NDC1: variants seen among roughly 807,000 people sequenced by gnomAD.
The protein encoded by NDC1 is nucleoporin NDC1.
NDC1 carries 24 observed loss-of-function variants against 89.8 expected under a neutral mutation model. That is an observed-to-expected ratio of 0.27 (90% CI 0.19 to 0.38). The LOEUF is 0.38. Among genes scored for constraint, NDC1 ranks in the 10% least tolerant of loss-of-function variants. The probability of loss-of-function intolerance (pLI) is 1.00; values close to 1 mark genes in which losing one functional copy is unlikely to be tolerated. For synonymous variants in NDC1, 296 were observed against 284.8 expected, an observed-to-expected ratio of 1.04 and a Z score of -0.39; for missense variants, 728 against 797.6, an observed-to-expected ratio of 0.91 and a Z score of 1.05.
At chr1:53,825,759 G>C (rs559178017) in intron 5 of NDC1, 39 bp downstream of exon 5, 2 of 1,542,080 alleles carry the variant, frequency 1.3e-6, no homozygotes, top group Non-Finnish European at 8.7e-7. Context: ...TTTTACCTCA[G>C]CCAAATTTTG....
chr1:53,819,865 T>C (rs1648605959), intron 5 of NDC1, among the ~76,000 whole-genome samples: 2 of 152,118 alleles, frequency 1.3e-5, no homozygotes, highest in Admixed American at 1.3e-4. Context: ...GGGTGCCTTA[T>C]CTTTTGGCTT....
Position 53,811,100 on chromosome 1 carries a change from G to A in NDC1, c.704-1354C>T, listed in dbSNP as rs146844173. 6.3e-3 allele frequency among the ~76,000 whole-genome samples: 958 copies of A among 152,340 alleles called. 7 individuals are homozygous for A. Among genetic ancestry groups the A allele is most frequent in the African/African-American group, 0.022 (928 of 41,588 alleles). On this transcript the variant is annotated intron_variant, in intron 6 of 17. Coordinates refer to ENST00000371429, the MANE Select transcript of NDC1 (RefSeq NM_018087.5). ...AGTCAAGCGAAATACAGGGGTAGAG[G>A]AAGCAGCAGAAAGGCCCTGGGAGCT...
chr1:53,775,391 G>A (rs556042786), intron 16 of NDC1, among the ~76,000 whole-genome samples: 3 of 151,970 alleles, frequency 2.0e-5, no homozygotes, highest in Admixed American at 1.3e-4. Flanking sequence ...CAAGTAGCTG[G>A]GATTACAGGC....
chr1:53,823,054 T>C (rs1268288157), intron 5 of NDC1, among the ~76,000 whole-genome samples: 1 of 152,146 alleles, frequency 6.6e-6, no homozygotes, highest in Non-Finnish European at 1.5e-5. Context: ...CTTAGTCTTC[T>C]CGGGAGGCAA....
At chr1:53,775,384 G>A (rs1236013950) in intron 16 of NDC1, among the ~76,000 whole-genome samples, 1 of 151,920 alleles carries the variant, frequency 6.6e-6, no homozygotes, top group Non-Finnish European at 1.5e-5. Flanking sequence ...AACCTTCCAA[G>A]TAGCTGGGAT....
chr1:53,783,239 C>G (rs1570165872), intron 16 of NDC1, among the ~76,000 whole-genome samples: 1 of 151,758 alleles, frequency 6.6e-6, no homozygotes, highest in African/African-American at 2.4e-5. Flanking sequence ...GGGCAGATTA[C>G]CCACACAGAC....
At position 53,772,367 on chromosome 1, in the gene NDC1, G is replaced by A; in HGVS notation, c.1923C>T (p.Ala641=). 6.2e-7 allele frequency: 1 copy of A among 1,613,782 alleles called. No homozygotes were observed. The highest frequency in any genetic ancestry group is 8.5e-7 in the Non-Finnish European group (1 of 1,179,794). ...RFAFRASLKT[A]IYRITTTFGE... ...CAAATGTAGTAGTTATTCGATAGATGGCAGTTTTCAGTGATGCTCTGAATG... is the reference window on the plus strand; with the variant it reads ...CAAATGTAGTAGTTATTCGATAGATAGCAGTTTTCAGTGATGCTCTGAATG... Residue 641 remains alanine (A), a synonymous_variant, in exon 17 of 18, where the codon GCC becomes GCT. Transcript: ENST00000371429.
At chr1:53,813,952 C>T (rs1235090249) in intron 6 of NDC1, among the ~76,000 whole-genome samples, 1 of 152,170 alleles carries the variant, frequency 6.6e-6, no homozygotes, top group Non-Finnish European at 1.5e-5. Context: ...TGGAATAAAA[C>T]TGGAAATCAA....
intron 13 of NDC1, 104 bp downstream of exon 13, chr1:53,796,580 TAAAAA>T (rs57490546): frequency 9.2e-4 from 397 of 430,742 alleles, no homozygotes; most frequent in South Asian, 4.0e-3. Context: ...ACACGAAGCA[TAAAAA>T]AAAAAAAAAA....
chr1:53,829,498 T>C (rs186483288), intron 3 of NDC1, among the ~76,000 whole-genome samples: 102 of 152,364 alleles, frequency 6.7e-4, no homozygotes, highest in Middle Eastern at 3.4e-3. Flanking sequence ...CTGGGGCAAG[T>C]GGTGCTCCTA....
At chr1:53,820,701 C>T (rs866588795) in intron 5 of NDC1, among the ~76,000 whole-genome samples, 3 of 74,892 alleles carry the variant, frequency 4.0e-5, no homozygotes, top group Admixed American at 1.6e-4. Flanking sequence ...ACTTCTCTCT[C>T]TTTTTTTTTT....
At chr1:53,782,012 C>T (rs1452140274) in intron 16 of NDC1, among the ~76,000 whole-genome samples, 15 of 152,142 alleles carry the variant, frequency 9.9e-5, no homozygotes, top group African/African-American at 3.1e-4. Context: ...CCCACCTCTA[C>T]TCTAGCTAAT....
Position 53,814,844 on chromosome 1 carries a change from T to C in NDC1, c.703+4127A>G, listed in dbSNP as rs866970051. 3.9e-5 allele frequency among the ~76,000 whole-genome samples: 6 copies of C among 152,278 alleles called. No individual in the cohort carries two copies. The South Asian group carries it at 8.3e-4, about 21-fold the overall frequency. The stretch of plus-strand genomic sequence containing the variant: ...GAACAACACCTTTACGCACATAAAC[T>C]GCCAAACCTAGAAGAGACAGATAAA... On this transcript the variant is annotated intron_variant, in intron 6 of 17. Coordinates refer to ENST00000371429, the MANE Select transcript of NDC1 (RefSeq NM_018087.5).
rs751982339 is a variant in NDC1 at position 53,767,856 on chromosome 1, C to T, written c.*114G>A. 62 of 511,344 alleles carry T rather than the reference C, an allele frequency of 1.2e-4. 1 individual carries two copies. The highest frequency in any genetic ancestry group is 9.7e-4 in the Admixed American group (25 of 25,786). 31.7% of individuals were successfully genotyped at this position (511,344 alleles called of 1,614,324 possible). On this transcript the variant is annotated 3_prime_UTR_variant, in exon 18 of 18. Transcript: ENST00000371429. ...AGTATAGTTTTCAAAGCAACCACCA[C>T]GACAAAGGAAGCATCTAATTAGTCC...
At chr1:53,825,343 G>A (rs1256354626) in intron 5 of NDC1, among the ~76,000 whole-genome samples, 1 of 151,444 alleles carries the variant, frequency 6.6e-6, no homozygotes, top group Non-Finnish European at 1.5e-5. Flanking sequence ...GGGCGTGATG[G>A]CATGTGGAGG....
At chr1:53,798,745 G>T (rs893226546) in intron 11 of NDC1, among the ~76,000 whole-genome samples, 1 of 151,728 alleles carries the variant, frequency 6.6e-6, no homozygotes, top group South Asian at 2.1e-4. Flanking sequence ...AGTAAAGACG[G>T]CGTTTCGCCA....
At chr1:53,783,938 A>C (rs893637149) in intron 16 of NDC1, among the ~76,000 whole-genome samples, 1 of 152,202 alleles carries the variant, frequency 6.6e-6, no homozygotes, top group African/African-American at 2.4e-5. Flanking sequence ...CTTTTGACAA[A>C]TCTGTAATTC....
At chr1:53,787,712 A>G (rs1430534004) in intron 15 of NDC1, among the ~76,000 whole-genome samples, 1 of 151,148 alleles carries the variant, frequency 6.6e-6, no homozygotes, top group East Asian at 1.9e-4. Flanking sequence ...GGAGCAATTC[A>G]ATAGAAAAAC....
chr1:53,837,157 C>T (rs1268827310), intron 1 of NDC1, among the ~76,000 whole-genome samples: 1 of 152,150 alleles, frequency 6.6e-6, no homozygotes, highest in Non-Finnish European at 1.5e-5. Context: ...ACACCAGGCA[C>T]GATGGCATGC....
Sources: allele counts gnomAD v4.1 joint callset (sites outside exome capture counted in the v4.1 genomes callset), GRCh38; gene constraint gnomAD v4.1.1; transcripts MANE v1.5; gene names NCBI Gene and HGNC (gene_info 2026-07-23, HGNC 2026-07-21).